The following RUNX1 variants were observed in gnomAD, a reference collection of about 807,000 sequenced individuals.
RUNX1 encodes RUNX family transcription factor 1.
In RUNX1, 19 loss-of-function variants were observed where a neutral mutation model predicts 42.8. The observed-to-expected ratio is 0.44, with a 90% confidence interval of 0.31 to 0.65. The LOEUF (loss-of-function observed/expected upper bound fraction) is 0.65. Among genes scored for constraint, RUNX1 ranks in the 30% least tolerant of loss-of-function variants. The pLI is 0.07. For missense variants in RUNX1, 528 were observed against 672.0 expected (o/e 0.79, Z 2.37); for synonymous variants, 271 against 289.4 (o/e 0.94, Z 0.64).
chr21:35,031,998 C>T (rs1012340749), intron 2 of RUNX1, among the ~76,000 whole-genome samples: 17 of 152,156 alleles, frequency 1.1e-4, no homozygotes, highest in Admixed American at 1.3e-4. Context: ...TGGCTATGGG[C>T]ACAGATGGGT....
At chr21:34,983,844 G>A (rs1400632531) in intron 2 of RUNX1, among the ~76,000 whole-genome samples, 1 of 152,164 alleles carries the variant, frequency 6.6e-6, no homozygotes, top group African/African-American at 2.4e-5. Context: ...CTAGTGGTTT[G>A]GTGTGGGGGT....
chr21:34,999,694 G>A (rs559134476), intron 2 of RUNX1, among the ~76,000 whole-genome samples: 8 of 152,310 alleles, frequency 5.3e-5, no homozygotes, highest in African/African-American at 7.2e-5. Context: ...GTGACCACAC[G>A]TGGTTAGGCC....
At chr21:34,802,560 T>C (rs975975937) in intron 7 of RUNX1, among the ~76,000 whole-genome samples, 2 of 152,224 alleles carry the variant, frequency 1.3e-5, no homozygotes, top group African/African-American at 2.4e-5. Context: ...CTTGGGCCAC[T>C]GTTTTGGGGA....
At chr21:35,021,020 T>C (rs964781035) in intron 2 of RUNX1, among the ~76,000 whole-genome samples, 2 of 152,134 alleles carry the variant, frequency 1.3e-5, no homozygotes, top group South Asian at 4.1e-4. Context: ...GGGGAGACAA[T>C]AACATGTTTA....
chr21:34,947,321 T>C (rs2058570774), intron 2 of RUNX1, among the ~76,000 whole-genome samples: 1 of 152,214 alleles, frequency 6.6e-6, no homozygotes, highest in African/African-American at 2.4e-5. Context: ...ATGAAACACG[T>C]GTGCCATATA....
At chr21:34,810,330 A>C (rs926361243) in intron 7 of RUNX1, among the ~76,000 whole-genome samples, 1 of 152,200 alleles carries the variant, frequency 6.6e-6, no homozygotes, top group African/African-American at 2.4e-5. Context: ...TATGCCAGGG[A>C]TTCTGGTTTT....
At chr21:35,011,127 A>G (rs890991532) in intron 2 of RUNX1, among the ~76,000 whole-genome samples, 1 of 152,206 alleles carries the variant, frequency 6.6e-6, no homozygotes, top group Non-Finnish European at 1.5e-5. Context: ...ATTAAAAGTG[A>G]TGTGAATAAC....
At chr21:34,917,004 A>G (rs1016030767) in intron 2 of RUNX1, among the ~76,000 whole-genome samples, 1 of 152,226 alleles carries the variant, frequency 6.6e-6, no homozygotes, top group Non-Finnish European at 1.5e-5. Context: ...ACCTAGATTC[A>G]GGACTGAAAA....
At chr21:34,864,584 T>C (rs1041719781) in intron 5 of RUNX1, among the ~76,000 whole-genome samples, 15 of 152,214 alleles carry the variant, frequency 9.9e-5, no homozygotes, top group African/African-American at 3.6e-4. Flanking sequence ...CTGTGTGTGC[T>C]GCTGGAAGTC....
At chr21:34,984,193 G>A (rs1485655580) in intron 2 of RUNX1, among the ~76,000 whole-genome samples, 1 of 152,176 alleles carries the variant, frequency 6.6e-6, no homozygotes, top group Non-Finnish European at 1.5e-5. Flanking sequence ...TGTATTTGGA[G>A]TAAGAGAGAA....
intron 7 of RUNX1, among the ~76,000 whole-genome samples, chr21:34,830,240 A>G (rs2057044364): frequency 6.6e-6 from 1 of 152,224 alleles, no homozygotes; most frequent in Non-Finnish European, 1.5e-5. Flanking sequence ...CTTCAAAAGT[A>G]GGAAGGCAAT....
intron 6 of RUNX1, among the ~76,000 whole-genome samples, chr21:34,840,765 T>C (rs2057222810): frequency 6.6e-6 from 1 of 152,102 alleles, no homozygotes; most frequent in Non-Finnish European, 1.5e-5. Flanking sequence ...GCACGAGGTG[T>C]CCTAAGAATT....
intron 2 of RUNX1, among the ~76,000 whole-genome samples, chr21:34,938,490 C>T (rs1198558020): frequency 6.6e-6 from 1 of 152,076 alleles, no homozygotes; most frequent in Non-Finnish European, 1.5e-5. Context: ...TTTCTTTCTG[C>T]TCTGCAATCC....
chr21:35,000,622 C>T (rs552571398), intron 2 of RUNX1, among the ~76,000 whole-genome samples: 7 of 152,288 alleles, frequency 4.6e-5, no homozygotes, highest in Non-Finnish European at 7.4e-5. Flanking sequence ...TGCAAAGTTC[C>T]GGAAGGGCAG....
chr21:34,839,417 C>T (rs535792474), intron 6 of RUNX1, among the ~76,000 whole-genome samples: 17 of 152,128 alleles, frequency 1.1e-4, no homozygotes, highest in African/African-American at 1.7e-4. Flanking sequence ...CACACACACT[C>T]GGGATGTACA....
intron 7 of RUNX1, among the ~76,000 whole-genome samples, chr21:34,808,002 G>GT (rs2056704389): frequency 6.6e-6 from 1 of 152,356 alleles, no homozygotes; most frequent in South Asian, 2.1e-4. Context: ...CACAGCACAA[G>GT]TAAGAAGAGC....
At chr21:34,864,575 T>C (rs1321402879) in intron 5 of RUNX1, among the ~76,000 whole-genome samples, 1 of 152,188 alleles carries the variant, frequency 6.6e-6, no homozygotes, top group Non-Finnish European at 1.5e-5. Context: ...GCACTGATCC[T>C]GTGTGTGCTG....
chr21:34,887,435 G>A (rs2058014732), intron 3 of RUNX1: 2 of 1,303,020 alleles, frequency 1.5e-6, no homozygotes, highest in Admixed American at 6.8e-5. Flanking sequence ...GTCTTTGGCT[G>A]TTAGAAAAGT....
chr21:34,935,945 T>C (rs1258920909), intron 2 of RUNX1, among the ~76,000 whole-genome samples: 2 of 152,178 alleles, frequency 1.3e-5, no homozygotes, highest in Non-Finnish European at 2.9e-5. Context: ...GCAGTTGGTA[T>C]ACACAACAGT....
Sources: allele counts gnomAD v4.1 joint callset (sites outside exome capture counted in the v4.1 genomes callset), GRCh38; gene constraint gnomAD v4.1.1; transcripts MANE v1.5; gene names NCBI Gene and HGNC (gene_info 2026-07-23, HGNC 2026-07-21).